BMPR1B: variants seen among roughly 807,000 people sequenced by gnomAD.
The protein encoded by BMPR1B is bone morphogenetic protein receptor type-1B.
In BMPR1B, 12 loss-of-function variants were observed where a neutral mutation model predicts 59.1. That is an observed-to-expected ratio of 0.20 (90% CI 0.13 to 0.33). The LOEUF is 0.33. Among genes scored for constraint, BMPR1B ranks in the 10% least tolerant of loss-of-function variants. BMPR1B has a pLI of 1.00. For synonymous variants in BMPR1B, 237 were observed against 207.3 expected, an observed-to-expected ratio of 1.14 and a Z score of -1.23; for missense variants, 550 against 610.9, an observed-to-expected ratio of 0.90 and a Z score of 1.05.
intron 2 of BMPR1B, among the ~76,000 whole-genome samples, chr4:94,906,956 G>T (rs1417369896): frequency 6.6e-6 from 1 of 151,874 alleles, no homozygotes; most frequent in Non-Finnish European, 1.5e-5. Flanking sequence ...GCAACTCTTG[G>T]ATTATCTCTC....
chr4:95,148,950 G>A lies in BMPR1B; in HGVS notation c.1252+27G>A, dbSNP rs139711308. The A allele has an allele frequency of 1.2e-4, 200 of 1,612,002 alleles. 1 individual carries two copies. In the African/African-American group the frequency reaches 2.5e-3, roughly 20 times the overall value. ...TAAGAAACAGTGCTGTCTTTGAAAA[G>A]CTACTATTGGAGCTACTATAAATCC... On this transcript the variant is annotated intron_variant, in intron 11 of 12. Transcript: ENST00000515059.
chr4:94,820,371 C>G (rs1724161677), intron 1 of BMPR1B, among the ~76,000 whole-genome samples: 1 of 152,200 alleles, frequency 6.6e-6, no homozygotes, highest in African/African-American at 2.4e-5. Context: ...TTACATAACT[C>G]AAGATTCCTG....
intron 1 of BMPR1B, among the ~76,000 whole-genome samples, chr4:94,793,067 G>A (rs2110605908): frequency 6.6e-6 from 1 of 151,462 alleles, no homozygotes; most frequent in Middle Eastern, 3.4e-3. Flanking sequence ...TGCACATTGT[G>A]CAGGTTAGTT....
intron 3 of BMPR1B, among the ~76,000 whole-genome samples, chr4:94,999,437 T>TGG (rs1722287165): frequency 6.6e-6 from 1 of 151,422 alleles, no homozygotes; most frequent in Non-Finnish European, 1.5e-5. Flanking sequence ...CGTGTGTGTG[T>TGG]GTGTGTGTGT....
chr4:94,994,043 C>T (rs1378775380), intron 2 of BMPR1B, among the ~76,000 whole-genome samples: 1 of 152,026 alleles, frequency 6.6e-6, no homozygotes, highest in Admixed American at 6.6e-5. Context: ...AAATTAAATT[C>T]TTTGCAAGTA....
At chr4:94,843,420 T>G (rs1725178247) in intron 1 of BMPR1B, among the ~76,000 whole-genome samples, 1 of 152,224 alleles carries the variant, frequency 6.6e-6, no homozygotes, top group Non-Finnish European at 1.5e-5. Flanking sequence ...CCTTTTGAAG[T>G]CATGCTTCAC....
In BMPR1B at chr4:94,862,861, C is replaced by T. The variant is rs192935743; in HGVS notation, c.-182-12970C>T. Among the ~76,000 whole-genome samples, 1,134 of 150,714 alleles carry T rather than the reference C, an allele frequency of 7.5e-3. 17 individuals are homozygous for T. Among genetic ancestry groups the T allele is most frequent in the African/African-American group, 0.026 (1,079 of 40,988 alleles). On this transcript the variant is annotated intron_variant, in intron 1 of 12. Transcript: ENST00000515059. ...TCAGGAGGCTGAGGCAGGAGAATGGCGTCAACCCGGGAGGTGGAGCTTGCA... is the reference window on the plus strand; with the variant it reads ...TCAGGAGGCTGAGGCAGGAGAATGGTGTCAACCCGGGAGGTGGAGCTTGCA...
At chr4:94,835,251 G>T (rs906286015) in intron 1 of BMPR1B, among the ~76,000 whole-genome samples, 2 of 152,066 alleles carry the variant, frequency 1.3e-5, no homozygotes, top group African/African-American at 4.8e-5. Context: ...GCCCAGGCTG[G>T]CTTGAACTCT....
intron 3 of BMPR1B, among the ~76,000 whole-genome samples, chr4:95,011,827 T>C (rs1723247160): frequency 1.3e-5 from 2 of 152,200 alleles, no homozygotes; most frequent in East Asian, 1.9e-4. Flanking sequence ...AAGACCAGTC[T>C]GGCCAACATG....
At chr4:95,119,245 G>A (rs765767036) in intron 6 of BMPR1B, among the ~76,000 whole-genome samples, 1 of 152,112 alleles carries the variant, frequency 6.6e-6, no homozygotes, top group Non-Finnish European at 1.5e-5. Flanking sequence ...AATTGGAAAT[G>A]CATTTAAGTT....
intron 3 of BMPR1B, among the ~76,000 whole-genome samples, chr4:95,021,343 A>G (rs888574057): frequency 3.3e-5 from 5 of 152,194 alleles, no homozygotes; most frequent in Non-Finnish European, 7.3e-5. Context: ...TTCTTGCATC[A>G]TTTACATGGT....
intron 2 of BMPR1B, among the ~76,000 whole-genome samples, chr4:94,940,356 T>G (rs1228627817): frequency 1.3e-5 from 2 of 152,156 alleles, no homozygotes; most frequent in Non-Finnish European, 2.9e-5. Flanking sequence ...TTGTAAGTGT[T>G]AGTATATTTT....
At chr4:95,123,136 A>G (rs746787021) in intron 6 of BMPR1B, among the ~76,000 whole-genome samples, 5 of 152,192 alleles carry the variant, frequency 3.3e-5, no homozygotes, top group Non-Finnish European at 7.4e-5. Flanking sequence ...TTTGTCAAGA[A>G]CTAGAGTTAA....
At chr4:94,801,303 C>T (rs1052483927) in intron 1 of BMPR1B, among the ~76,000 whole-genome samples, 4 of 152,140 alleles carry the variant, frequency 2.6e-5, no homozygotes, top group Admixed American at 1.3e-4. Context: ...AGTTCTTGTC[C>T]CCAGGGAAAC....
intron 1 of BMPR1B, among the ~76,000 whole-genome samples, chr4:94,848,149 C>A (rs1725413459): frequency 6.6e-6 from 1 of 151,994 alleles, no homozygotes; most frequent in Non-Finnish European, 1.5e-5. Flanking sequence ...TAAGTAAATG[C>A]AATTCTAGCC....
intron 1 of BMPR1B, among the ~76,000 whole-genome samples, chr4:94,854,335 T>C (rs1041600656): frequency 6.6e-6 from 1 of 152,202 alleles, no homozygotes; most frequent in Non-Finnish European, 1.5e-5. Context: ...ATGACTATAA[T>C]AAGAATAATG....
chr4:94,908,038 GCAAT>G (rs1256391956), intron 2 of BMPR1B, among the ~76,000 whole-genome samples: 4 of 126,754 alleles, frequency 3.2e-5, no homozygotes, highest in South Asian at 5.2e-4. Flanking sequence ...TCCAACATGG[GCAAT>G]GCAGTGAGAC....
chr4:95,128,101 G>C (rs535458091), intron 8 of BMPR1B, among the ~76,000 whole-genome samples: 1 of 151,984 alleles, frequency 6.6e-6, no homozygotes, highest in Non-Finnish European at 1.5e-5. Flanking sequence ...GCCCAGGCTG[G>C]TCTTGAACTC....
chr4:95,062,995 G>A lies in BMPR1B; in HGVS notation c.-17-41413G>A, dbSNP rs536491741. ...GGGCTTTTAAAAATCTGCTAAAGAT[G>A]TCATATTATCTATTGACATTTTATA... On this transcript the variant is annotated intron_variant, in intron 3 of 12. Coordinates refer to ENST00000515059, the MANE Select transcript of BMPR1B (RefSeq NM_001203.3). Among the ~76,000 whole-genome samples, 166 of 152,184 alleles carry A rather than the reference G, an allele frequency of 1.1e-3. 1 individual carries two copies. In the Middle Eastern group the frequency reaches 0.017, roughly 16 times the overall value.
Sources: gnomAD v4.1 joint callset for allele counts (sites outside exome capture counted in the v4.1 genomes callset) on GRCh38, gnomAD v4.1.1 for gene constraint, MANE v1.5 for transcripts, NCBI Gene and HGNC (gene_info 2026-07-23, HGNC 2026-07-21) for gene names.